The following CAST variants were observed in gnomAD, a reference collection of about 807,000 sequenced individuals.
CAST encodes calpastatin.
Under a neutral mutation model 119.6 loss-of-function variants are expected in CAST, and 76 were observed. The ratio of observed to expected loss-of-function variants is 0.64; its 90% CI spans 0.53 to 0.77. CAST has a LOEUF of 0.77. Among genes scored for constraint, CAST ranks in the 30% least tolerant of loss-of-function variants. CAST has a pLI of 0.00. For synonymous variants in CAST, 319 were observed against 331.6 expected (o/e 0.96, Z 0.41); for missense variants, 953 against 946.5 (o/e 1.01, Z -0.09).
intron 1 of CAST, among the ~76,000 whole-genome samples, chr5:96,539,240 A>G (rs1745873539): frequency 6.6e-6 from 1 of 152,202 alleles, no homozygotes; most frequent in South Asian, 2.1e-4. Context: ...GTCTTGAAAC[A>G]ACACACTTAG....
chr5:96,733,628 A>G (rs1462466647), intron 9 of CAST, among the ~76,000 whole-genome samples: 1 of 152,180 alleles, frequency 6.6e-6, no homozygotes, highest in Non-Finnish European at 1.5e-5. Context: ...AGTACATAGC[A>G]TGTTTAAAGT....
chr5:96,595,298 G>A (rs1747034384), intron 1 of CAST, among the ~76,000 whole-genome samples: 1 of 152,214 alleles, frequency 6.6e-6, no homozygotes. Context: ...AGGAAAAAGA[G>A]TTCCAACATA....
chr5:96,479,989 G>A, the CAST span, among the ~76,000 whole-genome samples: 1 of 151,918 alleles, frequency 6.6e-6, no homozygotes, highest in African/African-American at 2.4e-5. Context: ...GGGGATTCTG[G>A]GTTTATCAAG....
the CAST span, among the ~76,000 whole-genome samples, chr5:96,270,421 G>A: frequency 6.6e-6 from 1 of 152,078 alleles, no homozygotes. Context: ...GAAATAAAGG[G>A]CATCCAAATT....
the CAST span, among the ~76,000 whole-genome samples, chr5:96,329,496 G>T: frequency 1.1e-4 from 17 of 151,968 alleles, no homozygotes; most frequent in Admixed American, 3.3e-4. Context: ...ATTTTACAGG[G>T]ATCCCCCCTA....
the CAST span, among the ~76,000 whole-genome samples, chr5:96,270,930 G>T: frequency 6.6e-6 from 1 of 150,892 alleles, no homozygotes; most frequent in Non-Finnish European, 1.5e-5. Flanking sequence ...AAATAATTTA[G>T]TAAAGTTGCA....
chr5:96,051,531 T>C, the CAST span, among the ~76,000 whole-genome samples: 1 of 152,104 alleles, frequency 6.6e-6, no homozygotes, highest in Non-Finnish European at 1.5e-5. Context: ...AAATATTTGC[T>C]GCCAGGTGCT....
chr5:96,478,816 C>T, the CAST span, among the ~76,000 whole-genome samples: 1 of 152,314 alleles, frequency 6.6e-6, no homozygotes. Context: ...TGGGCACTGA[C>T]ATTGGAGCTC....
rs906110359 is a variant in CAST at position 96,773,776 on chromosome 5, A to T, written c.*1160A>T. On this transcript the variant is annotated 3_prime_UTR_variant, in exon 32 of 32. Coordinates refer to ENST00000675179, the MANE Select transcript of CAST (RefSeq NM_001750.7). ...TTTAATTTCATCTTTATTTCCTGGT[A>T]GAGAATGCAGGAAAAGATGTCAGGT... The T allele has an allele frequency of 4.6e-5, 7 of 152,418 alleles. No homozygotes were observed. The highest frequency in any genetic ancestry group is 1.0e-4 in the Non-Finnish European group (7 of 68,002). The allele number at this position is 152,418 out of a possible 1,614,324, so 9.4% of individuals were successfully genotyped here. A position where few individuals can be genotyped will look rare whatever the true frequency, so the allele number is the denominator to read the frequency against.
chr5:96,617,410 AAAAAG>A (rs1747482472), intron 1 of CAST, among the ~76,000 whole-genome samples: 1 of 152,188 alleles, frequency 6.6e-6, no homozygotes, highest in Non-Finnish European at 1.5e-5. Flanking sequence ...GACAAGCTAA[AAAAAG>A]AAAGGGACAG....
At chr5:96,600,950 C>T (rs1299306881) in intron 1 of CAST, among the ~76,000 whole-genome samples, 1 of 152,178 alleles carries the variant, frequency 6.6e-6, no homozygotes, top group African/African-American at 2.4e-5. Flanking sequence ...GCTCCTCCTT[C>T]TCTGGATTTT....
At chr5:96,742,460 C>T in intron 15 of CAST, 195 bp from the exon 16 acceptor site, 3 of 563,490 alleles carry the variant, frequency 5.3e-6, no homozygotes, top group East Asian at 5.9e-5. Context: ...CGTGTCTTAG[C>T]CCCAATTTCC....
chr5:95,999,075 GAGTAATCAGTTTA>G, the CAST span, among the ~76,000 whole-genome samples: 1 of 151,936 alleles, frequency 6.6e-6, no homozygotes, highest in Non-Finnish European at 1.5e-5. Flanking sequence ...TGACTTTACT[GAGTAATCAGTTTA>G]AGAACATTTT....
chr5:96,593,376 G>T (rs1274405968), intron 1 of CAST, among the ~76,000 whole-genome samples: 2 of 152,174 alleles, frequency 1.3e-5, no homozygotes, highest in Admixed American at 6.5e-5. Context: ...AGAGGGTATT[G>T]CCATCAGGAC....
At chr5:96,731,260 T>C (rs1031493085) in intron 9 of CAST, among the ~76,000 whole-genome samples, 3 of 152,158 alleles carry the variant, frequency 2.0e-5, no homozygotes, top group African/African-American at 7.2e-5. Flanking sequence ...AACTATGACA[T>C]CAACATGAAT....
At chr5:96,126,642 A>G in the CAST span, among the ~76,000 whole-genome samples, 2 of 152,106 alleles carry the variant, frequency 1.3e-5, no homozygotes, top group African/African-American at 4.8e-5. Flanking sequence ...ATTTGTAAGT[A>G]TTCAAACTAG....
At chr5:96,646,647 G>A (rs972970712) in intron 1 of CAST, among the ~76,000 whole-genome samples, 3 of 152,208 alleles carry the variant, frequency 2.0e-5, no homozygotes, top group Non-Finnish European at 2.9e-5. Context: ...AATAGTGGTT[G>A]CCTCTGGGGA....
chr5:96,604,639 T>G (rs1179722894), intron 1 of CAST, among the ~76,000 whole-genome samples: 1 of 152,130 alleles, frequency 6.6e-6, no homozygotes, highest in East Asian at 1.9e-4. Flanking sequence ...ATTAAAGGAA[T>G]ATGGAATGAT....
chr5:96,489,530 C>T, the CAST span, among the ~76,000 whole-genome samples: 6 of 152,150 alleles, frequency 3.9e-5, no homozygotes, highest in African/African-American at 1.4e-4. Flanking sequence ...AATCCATAAT[C>T]AGGAGAGGGT....
Sources: gnomAD v4.1 joint callset for allele counts (sites outside exome capture counted in the v4.1 genomes callset) on GRCh38, gnomAD v4.1.1 for gene constraint, MANE v1.5 for transcripts, NCBI Gene and HGNC (gene_info 2026-07-23, HGNC 2026-07-21) for gene names.